CCND3: variants seen among roughly 807,000 people sequenced by gnomAD.
The protein encoded by CCND3 is G1/S-specific cyclin-D3.
A neutral mutation model predicts 28.7 loss-of-function variants in CCND3; 9 were observed. The observed-to-expected ratio is 0.31, with a 90% CI of 0.19 to 0.55. CCND3 has a LOEUF of 0.55. CCND3 is among the 20% of genes least tolerant of loss of function. CCND3 has a pLI of 0.93. For missense variants in CCND3, 315 were observed against 385.8 expected (o/e 0.82, Z 1.54); for synonymous variants, 164 against 163.9 (o/e 1.00, Z 0.00).
intron 1 of CCND3, among the ~76,000 whole-genome samples, chr6:41,975,500 C>A (rs1311142925): frequency 6.6e-6 from 1 of 152,188 alleles, no homozygotes; most frequent in African/African-American, 2.4e-5. Flanking sequence ...CACACCCCCA[C>A]GGCCACATCT....
At chr6:41,993,092 A>G (rs1221213846) in intron 1 of CCND3, among the ~76,000 whole-genome samples, 1 of 152,144 alleles carries the variant, frequency 6.6e-6, no homozygotes. Context: ...TTGTAGAGAC[A>G]GGGTCTTGAT....
chr6:41,954,423 C>A (rs992641899), intron 1 of CCND3, among the ~76,000 whole-genome samples: 1 of 150,924 alleles, frequency 6.6e-6, no homozygotes, highest in Non-Finnish European at 1.5e-5. Flanking sequence ...TTGTGGCGTG[C>A]GCCTGTAATC....
chr6:41,947,981 G>A (rs147058626), intron 1 of CCND3, among the ~76,000 whole-genome samples: 147 of 152,142 alleles, frequency 9.7e-4, no homozygotes, highest in African/African-American at 3.5e-3. Flanking sequence ...CTGGCCACAC[G>A]GTTCATGGAA....
chr6:41,976,284 G>A (rs1187846134), intron 1 of CCND3, among the ~76,000 whole-genome samples: 1 of 151,902 alleles, frequency 6.6e-6, no homozygotes, highest in Non-Finnish European at 1.5e-5. Flanking sequence ...CCTGGGAGGT[G>A]GAGGTTGCAG....
intron 1 of CCND3, among the ~76,000 whole-genome samples, chr6:41,948,217 T>C (rs961760367): frequency 3.9e-5 from 6 of 152,178 alleles, no homozygotes; most frequent in Non-Finnish European, 8.8e-5. Flanking sequence ...TTACCACTGA[T>C]CACTAGTATA....
intron 1 of CCND3, among the ~76,000 whole-genome samples, chr6:42,044,956 CGT>C (rs748939824): frequency 0.16 from 20,261 of 123,786 alleles, 1,960 homozygotes; most frequent in Middle Eastern, 0.29. Context: ...GCCCGGCTAA[CGT>C]TTTTTTTTTT....
At chr6:41,979,393 G>A (rs1490240040) in intron 1 of CCND3, among the ~76,000 whole-genome samples, 1 of 151,304 alleles carries the variant, frequency 6.6e-6, no homozygotes, top group African/African-American at 2.4e-5. Context: ...CATTAGTCTG[G>A]TGTGGTGGCA....
At chr6:42,007,673 G>A (rs1431957053) in intron 1 of CCND3, among the ~76,000 whole-genome samples, 1 of 152,160 alleles carries the variant, frequency 6.6e-6, no homozygotes, top group Admixed American at 6.6e-5. Context: ...AAAATTTCAG[G>A]ACACAAAATA....
chr6:41,980,821 AATC>A (rs1762324706), intron 1 of CCND3, among the ~76,000 whole-genome samples: 1 of 152,210 alleles, frequency 6.6e-6, no homozygotes, highest in East Asian at 1.9e-4. Flanking sequence ...GCACTGATGA[AATC>A]GAACATCCAT....
At position 41,936,395 on chromosome 6, in the gene CCND3, C is replaced by G; in HGVS notation, c.711+164G>C. The stretch of plus-strand genomic sequence containing the variant: ...CCCTTCACCCCACCCAAGATACTTG[C>G]TCTTCCCCAGACCAAGGCAGGAGAT... On this transcript the variant is annotated intron_variant, in intron 4 of 4. Transcript: ENST00000372991. This position sits in a 1 kb window ranked among gnomAD's most constrained non-coding sequence, Gnocchi z 4.4. 1 of 826,292 alleles carries G rather than the reference C, an allele frequency of 1.2e-6. No homozygotes were observed. The highest frequency in any genetic ancestry group is 1.7e-5 in the African/African-American group (1 of 58,662). 51.2% of individuals were successfully genotyped at this position (826,292 alleles called of 1,614,324 possible).
At chr6:41,996,947 G>C (rs576999142) in intron 1 of CCND3, among the ~76,000 whole-genome samples, 5 of 152,178 alleles carry the variant, frequency 3.3e-5, no homozygotes, top group Non-Finnish European at 7.3e-5. Context: ...ACAGGCGTGA[G>C]CCACAGCACC....
intron 1 of CCND3, among the ~76,000 whole-genome samples, chr6:42,021,042 G>A (rs958362400): frequency 1.3e-5 from 2 of 152,258 alleles, no homozygotes; most frequent in African/African-American, 2.4e-5. Context: ...GTGAGCCACC[G>A]TGCCCAGCCT....
At chr6:42,032,348 A>G (rs1764069471) in intron 1 of CCND3, among the ~76,000 whole-genome samples, 1 of 152,124 alleles carries the variant, frequency 6.6e-6, no homozygotes, top group Non-Finnish European at 1.5e-5. Context: ...TGGCCTCCCA[A>G]ACTTCTAGGG....
chr6:42,046,461 A>T (rs1418641009), intron 1 of CCND3, among the ~76,000 whole-genome samples: 2 of 152,178 alleles, frequency 1.3e-5, no homozygotes, highest in African/African-American at 4.8e-5. Context: ...GCTATTCTTA[A>T]TTCCCAACAA....
At position 41,941,338 on chromosome 6, in the gene CCND3, C is replaced by T; in HGVS notation, c.198+114G>A. The T allele has an allele frequency of 6.6e-7, 1 of 1,510,312 alleles. No individual in the cohort carries two copies. The highest frequency in any genetic ancestry group is 8.8e-7 in the Non-Finnish European group (1 of 1,132,904). The allele number at this position is 1,510,312 out of a possible 1,614,324, so 93.6% of individuals were successfully genotyped here. A position where few individuals can be genotyped will look rare whatever the true frequency, so the allele number is the denominator to read the frequency against. On this transcript the variant is annotated intron_variant, in intron 1 of 4. Transcript: ENST00000372991. The surrounding 1 kb of genome is among the most constrained non-coding windows in gnomAD (Gnocchi z 6.1). ...TAGTGAAAGGCCAGGCCCCGGGAGTCTTAGCCTCGGAGCATCCTGCAGATT... is the reference window on the plus strand; with the variant it reads ...TAGTGAAAGGCCAGGCCCCGGGAGTTTTAGCCTCGGAGCATCCTGCAGATT...
In CCND3 at chr6:42,004,960, A is replaced by G. The variant is rs184715312; in HGVS notation, c.-46+43541T>C. Among the ~76,000 whole-genome samples the G allele has an allele frequency of 7.9e-4, 121 of 152,322 alleles. No individual in the cohort carries two copies. The Middle Eastern group carries it at 0.01, about 13-fold the overall frequency. ...AACAGACTCAGAATGTTTTACAGGA[A>G]TATTCTATCAAACATTAAAGAAAGC... On this transcript the variant is annotated intron_variant, in intron 1 of 4. Coordinates refer to the CCND3 transcript ENST00000372988.
chr6:42,003,041 A>T (rs1763059621), intron 1 of CCND3, among the ~76,000 whole-genome samples: 1 of 150,360 alleles, frequency 6.7e-6, no homozygotes, highest in East Asian at 2.0e-4. Context: ...ACATGCCTGT[A>T]ATCCCAGCTA....
chr6:42,028,271 G>A (rs73428370), intron 1 of CCND3, among the ~76,000 whole-genome samples: 3,597 of 152,216 alleles, frequency 0.024, 134 homozygotes, highest in African/African-American at 0.079. Flanking sequence ...GAGAGAGCTG[G>A]GGAGAGGAAA....
chr6:41,936,728 G>T lies in CCND3; in HGVS notation c.575-33C>A, dbSNP rs575008488. ...AGGAGGAAAGGGAACCATGAGAGAA[G>T]GAAACCTGAAGGATAACGGCCAGCA... On this transcript the variant is annotated intron_variant, in intron 3 of 4. Transcript: ENST00000372991. This position sits in a 1 kb window ranked among gnomAD's most constrained non-coding sequence, Gnocchi z 4.4. The T allele has an allele frequency of 1.9e-6, 3 of 1,604,382 alleles. No homozygotes were observed. In the East Asian group the frequency reaches 6.7e-5, roughly 36 times the overall value.
Sources: allele counts gnomAD v4.1 joint callset (sites outside exome capture counted in the v4.1 genomes callset), GRCh38; gene constraint gnomAD v4.1.1; non-coding constraint Gnocchi (gnomAD v3.1); transcripts MANE v1.5; gene names NCBI Gene and HGNC (gene_info 2026-07-23, HGNC 2026-07-21).